CPAP: variants seen among roughly 807,000 people sequenced by gnomAD.
CPAP encodes the protein centrosomal P4.1-associated protein.
the CPAP span, chr13:24,893,014 T>C: frequency 1.0e-5 from 7 of 693,990 alleles, no homozygotes; most frequent in East Asian, 1.9e-4. Context: ...ACGAATGTCG[T>C]GGTTTTCAGC....
chr13:24,882,942 T>TAAAC, the CPAP span: 22 of 523,234 alleles, frequency 4.2e-5, no homozygotes, highest in African/African-American at 1.2e-4. Context: ...ACACAATTTC[T>TAAAC]AAACAGTCAA....
chr13:24,899,628 G>A, the CPAP span: 17 of 1,468,374 alleles, frequency 1.2e-5, no homozygotes, highest in South Asian at 1.6e-4. Context: ...GACCATCTCA[G>A]TGCAGTGATG....
the CPAP span, among the ~76,000 whole-genome samples, chr13:24,930,818 G>A: frequency 8.8e-3 from 1,334 of 152,226 alleles, 65 homozygotes; most frequent in Admixed American, 0.08. Flanking sequence ...TTTTCTTTTG[G>A]ATGTGTACCC....
the CPAP span, among the ~76,000 whole-genome samples, chr13:24,929,511 T>G: frequency 6.6e-6 from 1 of 152,256 alleles, no homozygotes; most frequent in Non-Finnish European, 1.5e-5. Context: ...GTCCTTTGTA[T>G]GTACTGATAA....
At chr13:24,905,091 A>T in the CPAP span, among the ~76,000 whole-genome samples, 1 of 152,212 alleles carries the variant, frequency 6.6e-6, no homozygotes, top group Non-Finnish European at 1.5e-5. Context: ...ACCTCTAGGA[A>T]GGGGTACTTG....
chr13:24,932,401 G>A, the CPAP span, among the ~76,000 whole-genome samples: 13 of 152,188 alleles, frequency 8.5e-5, no homozygotes, highest in South Asian at 2.1e-4. Context: ...CACTTGAACC[G>A]GGAGGCGGAG....
At chr13:24,913,154 G>A in the CPAP span, 1 of 767,632 alleles carries the variant, frequency 1.3e-6, no homozygotes, top group Non-Finnish European at 2.2e-6. Context: ...TACCAAAAAT[G>A]AGCCCAAACC....
the CPAP span, among the ~76,000 whole-genome samples, chr13:24,927,207 G>T: frequency 6.6e-6 from 1 of 152,142 alleles, no homozygotes; most frequent in East Asian, 1.9e-4. Context: ...CAATGGGGGG[G>T]TCACTATGCA....
chr13:24,910,686 T>C, the CPAP span, among the ~76,000 whole-genome samples: 2 of 152,250 alleles, frequency 1.3e-5, no homozygotes, highest in Admixed American at 1.3e-4. Context: ...TGAGGCTAGT[T>C]CTTATGTAAA....
the CPAP span, chr13:24,908,082 C>T: frequency 6.2e-7 from 1 of 1,613,124 alleles, no homozygotes; most frequent in Admixed American, 1.7e-5. Flanking sequence ...TCATTTGCTT[C>T]CTGAATCTGT....
the CPAP span, among the ~76,000 whole-genome samples, chr13:24,893,341 TAGAA>T: frequency 6.6e-6 from 1 of 152,246 alleles, no homozygotes; most frequent in East Asian, 1.9e-4. Flanking sequence ...TGAGTTGTTT[TAGAA>T]AGACTAAAAT....
the CPAP span, among the ~76,000 whole-genome samples, chr13:24,920,823 C>T: frequency 6.8e-6 from 1 of 147,246 alleles, no homozygotes; most frequent in Admixed American, 6.9e-5. Context: ...GACGGGGTTT[C>T]ACTATGTTAG....
chr13:24,906,052 G>A, the CPAP span: 2 of 1,613,988 alleles, frequency 1.2e-6, no homozygotes, highest in Non-Finnish European at 1.7e-6. Context: ...CATCAGCTGA[G>A]GACAATGAAT....
chr13:24,933,047 T>C, the CPAP span: 1 of 1,590,336 alleles, frequency 6.3e-7, no homozygotes, highest in East Asian at 2.2e-5. Context: ...TGTTTGAAAG[T>C]GAAGTACTTA....
chr13:24,905,347 AG>A, the CPAP span: 3 of 1,613,522 alleles, frequency 1.9e-6, no homozygotes, highest in African/African-American at 4.0e-5. Flanking sequence ...CTGACTCACC[AG>A]GTGGTTGGTC....
chr13:24,926,329 G>A, the CPAP span, among the ~76,000 whole-genome samples: 11 of 152,164 alleles, frequency 7.2e-5, no homozygotes, highest in African/African-American at 2.7e-4. Context: ...AAAGCTAGCA[G>A]AGCCTGGGTC....
the CPAP span, among the ~76,000 whole-genome samples, chr13:24,910,306 C>T: frequency 1.3e-5 from 2 of 152,350 alleles, no homozygotes; most frequent in South Asian, 4.1e-4. Context: ...TCACTGCAAC[C>T]TCCACCTCTT....
chr13:24,902,172 C>G, the CPAP span, among the ~76,000 whole-genome samples: 2 of 151,780 alleles, frequency 1.3e-5, no homozygotes, highest in Non-Finnish European at 2.9e-5. Context: ...AAGGATAACA[C>G]AATGTCTAAA....
chr13:24,889,225 A>T, the CPAP span: 1 of 926,884 alleles, frequency 1.1e-6, no homozygotes, highest in South Asian at 1.3e-5. Flanking sequence ...GTTCAAAAAC[A>T]TTTATTAAGA....
Sources: allele counts gnomAD v4.1 joint callset (sites outside exome capture counted in the v4.1 genomes callset), GRCh38; gene constraint gnomAD v4.1.1; transcripts MANE v1.5; gene names NCBI Gene and HGNC (gene_info 2026-07-23, HGNC 2026-07-21).